ATP11C: variants seen among roughly 807,000 people sequenced by gnomAD.
ATP11C encodes the protein phospholipid-transporting ATPase IG.
Under a neutral mutation model 97.4 loss-of-function variants are expected in ATP11C, and 36 were observed. The ratio of observed to expected loss-of-function variants is 0.37; its 90% CI spans 0.28 to 0.49. ATP11C has a LOEUF of 0.49. ATP11C is among the 20% of genes least tolerant of loss of function. The pLI is 0.98. For missense variants in ATP11C, 730 were observed against 824.6 expected (o/e 0.89, Z 1.40); for synonymous variants, 275 against 290.9 (o/e 0.95, Z 0.56).
intron 8 of ATP11C, 121 bp from the exon 9 acceptor site, chrX:139,798,864 T>C (rs1295371736): frequency 4.1e-6 from 2 of 491,118 alleles, no homozygotes; most frequent in Non-Finnish European, 7.0e-6. Context: ...TGTCTACTTA[T>C]ACCATATGCT....
intron 1 of ATP11C, among the ~76,000 whole-genome samples, chrX:139,908,112 G>T (rs1338495014): frequency 3.1e-4 from 34 of 111,301 alleles, no homozygotes; most frequent in Non-Finnish European, 1.9e-5. Context: ...ATGCTCCCCA[G>T]AAGTTCCTAT....
chrX:139,764,032 C>T (rs907856108), intron 20 of ATP11C, among the ~76,000 whole-genome samples: 2 of 112,126 alleles, frequency 1.8e-5, no homozygotes, highest in Non-Finnish European at 3.8e-5. Flanking sequence ...AGCCAGAAAG[C>T]TGATTTGGGG....
chrX:139,760,516 G>C (rs1260445285), intron 22 of ATP11C, among the ~76,000 whole-genome samples: 3 of 111,638 alleles, frequency 2.7e-5, no homozygotes, highest in Admixed American at 9.6e-5. Flanking sequence ...ATAAAATATA[G>C]GGTATGAAAT....
At chrX:139,928,996 G>A (rs886568506) in intron 1 of ATP11C, among the ~76,000 whole-genome samples, 5 of 112,160 alleles carry the variant, frequency 4.5e-5, no homozygotes, top group African/African-American at 9.7e-5. Flanking sequence ...AAGAGAACAC[G>A]TTACTATAGT....
At chrX:139,870,674 C>T (rs1028827332) in intron 1 of ATP11C, among the ~76,000 whole-genome samples, 6 of 112,223 alleles carry the variant, frequency 5.3e-5, no homozygotes, top group Admixed American at 9.5e-5. Flanking sequence ...TGAGTAGCTA[C>T]GTAAATACCC....
chrX:139,803,348 A>G (rs1471444557), intron 6 of ATP11C, among the ~76,000 whole-genome samples: 1 of 111,717 alleles, frequency 9.0e-6, no homozygotes, highest in Non-Finnish European at 1.9e-5. Flanking sequence ...CCAACAGGTA[A>G]AGGTTCTTTT....
intron 1 of ATP11C, among the ~76,000 whole-genome samples, chrX:139,901,688 G>T (rs755021780): frequency 8.9e-6 from 1 of 111,790 alleles, no homozygotes; most frequent in South Asian, 3.8e-4. Context: ...TGGATGGCTG[G>T]CCATCATTTT....
At chrX:139,787,421 C>T (rs1327620013) in intron 14 of ATP11C, among the ~76,000 whole-genome samples, 177 bp from the exon 15 acceptor site, 1 of 111,406 alleles carries the variant, frequency 9.0e-6, no homozygotes. Flanking sequence ...CCTCAACCTC[C>T]TGAGTAGCTG....
chrX:139,814,889 C>A lies in ATP11C; in HGVS notation c.415G>T (p.Glu139Ter). The A allele has an allele frequency of 8.6e-7, 1 of 1,161,186 alleles. No individual in the cohort carries two copies. Among genetic ancestry groups the A allele is most frequent in the Admixed American group, 2.7e-5 (1 of 36,917 alleles). The change falls in exon 5 of 30, where the codon GAA becomes TAA. Residue 139 changes from glutamate to a stop codon, truncating the protein, a stop_gained. Coordinates refer to ENST00000682941, the MANE Select transcript of ATP11C (RefSeq NM_001353812.2). LOFTEE classifies it high-confidence loss of function. ...CTAAGAAAAAATACCTTGATTTTTT[C>A]ACTTTCTTTTCTCACTCGCTTTGCA... is the stretch of plus-strand genomic sequence containing the variant. ...ENAKRVRKES[E>*]KIKVGDVVEV...
intron 1 of ATP11C, among the ~76,000 whole-genome samples, chrX:139,923,735 C>T (rs2085303271): frequency 8.9e-6 from 1 of 111,828 alleles, no homozygotes; most frequent in Admixed American, 9.6e-5. Flanking sequence ...CTGGCTTCTA[C>T]TCCCTGTCGA....
chrX:139,911,208 G>A (rs926950449), intron 1 of ATP11C, among the ~76,000 whole-genome samples: 1 of 111,283 alleles, frequency 9.0e-6, no homozygotes, highest in African/African-American at 3.3e-5. Flanking sequence ...AAGTATCTTA[G>A]AGAAGATATC....
At chrX:139,741,418 G>A (rs1441454400) in intron 26 of ATP11C, among the ~76,000 whole-genome samples, 1 of 110,704 alleles carries the variant, frequency 9.0e-6, no homozygotes, top group East Asian at 2.9e-4. Context: ...GGAGGCCCAA[G>A]CCCCAAGTCC....
chrX:139,763,506 T>C, intron 20 of ATP11C, 88 bp from the exon 21 acceptor site: 1 of 629,601 alleles, frequency 1.6e-6, no homozygotes, highest in East Asian at 3.5e-5. Context: ...TCATTCACAC[T>C]TGTAAATAGC....
At chrX:139,807,269 G>C (rs1254415262) in intron 5 of ATP11C, among the ~76,000 whole-genome samples, 1 of 108,641 alleles carries the variant, frequency 9.2e-6, no homozygotes, top group East Asian at 3.4e-4. Context: ...TAGTATAACA[G>C]GAACACCATA....
At chrX:139,908,111 A>C (rs1318297068) in intron 1 of ATP11C, among the ~76,000 whole-genome samples, 1 of 111,449 alleles carries the variant, frequency 9.0e-6, no homozygotes, top group Non-Finnish European at 1.9e-5. Context: ...AATGCTCCCC[A>C]GAAGTTCCTA....
chrX:139,783,701 T>C (rs1042928861), intron 16 of ATP11C, among the ~76,000 whole-genome samples: 4 of 110,903 alleles, frequency 3.6e-5, no homozygotes, highest in African/African-American at 1.3e-4. Flanking sequence ...AGGGAGACCC[T>C]GACTCTACTA....
At position 139,788,260 on chromosome X, in the gene ATP11C, T is replaced by C. The variant is rs1424099547; in HGVS notation, c.1452A>G (p.Thr484=). The part of the protein sequence containing the change: ...IKTNDAVDGA[T]ESAELTYISS... Reference sequence around the variant, plus strand: ...AGATATAGGTTAATTCAGCTGATTCTGTAGCTCCATCAACAGCATCGTTTG... The same window carrying C: ...AGATATAGGTTAATTCAGCTGATTCCGTAGCTCCATCAACAGCATCGTTTG... The change falls in exon 14 of 30, where the codon ACA becomes ACG. Residue 484 remains threonine, a synonymous_variant. Transcript: ENST00000682941. 8.3e-7 allele frequency: 1 copy of C among 1,206,062 alleles called. No individual in the cohort carries two copies. The highest frequency in any genetic ancestry group is 1.1e-6 in the Non-Finnish European group (1 of 891,584).
chrX:139,779,537 A>T (rs2082411116), intron 18 of ATP11C, among the ~76,000 whole-genome samples: 1 of 112,133 alleles, frequency 8.9e-6, no homozygotes, highest in African/African-American at 3.2e-5. Context: ...TTTGAAACCA[A>T]AGAAAATAGA....
intron 1 of ATP11C, chrX:139,832,018 C>A: frequency 1.6e-6 from 1 of 617,946 alleles, no homozygotes; most frequent in Non-Finnish European, 2.4e-6. Context: ...GGCTGAAAAT[C>A]CAGCTAACCA....
Sources: gnomAD v4.1 joint callset for allele counts (sites outside exome capture counted in the v4.1 genomes callset) on GRCh38, gnomAD v4.1.1 for gene constraint, MANE v1.5 for transcripts, NCBI Gene and HGNC (gene_info 2026-07-23, HGNC 2026-07-21) for gene names.